MGRN1: variants seen among roughly 807,000 people sequenced by gnomAD.
MGRN1 encodes the protein E3 ubiquitin-protein ligase MGRN1.
Under a neutral mutation model 69.2 loss-of-function variants are expected in MGRN1, and 29 were observed. That is an observed-to-expected ratio of 0.42 (90% confidence interval 0.31 to 0.57). The LOEUF is 0.57. MGRN1 is among the 20% of genes least tolerant of loss of function. The pLI is 0.15. For missense variants in MGRN1, 998 were observed against 796.2 expected (o/e 1.25, Z -3.05); for synonymous variants, 470 against 344.2 (o/e 1.37, Z -4.04).
At chr16:4,688,339 C>A in intron 16 of MGRN1, 2 of 989,876 alleles carry the variant, frequency 2.0e-6, no homozygotes, top group Non-Finnish European at 2.4e-6. Context: ...CAGTAGCCAT[C>A]CGGGGGCTAC....
intron 15 of MGRN1, among the ~76,000 whole-genome samples, chr16:4,683,557 A>T (rs1181715790): frequency 5.7e-5 from 2 of 35,172 alleles, no homozygotes; most frequent in African/African-American, 8.2e-5. Context: ...TTCTATGACC[A>T]AAAAAAAAAA....
At chr16:4,688,644 G>A in intron 16 of MGRN1, 152 bp from the exon 17 acceptor site, 1 of 1,429,274 alleles carries the variant, frequency 7.0e-7, no homozygotes, top group Non-Finnish European at 9.2e-7. Context: ...CCCTTGGTGT[G>A]CTCACATCTG....
intron 10 of MGRN1, among the ~76,000 whole-genome samples, chr16:4,675,236 G>T (rs1448557162): frequency 6.6e-6 from 1 of 152,024 alleles, no homozygotes; most frequent in African/African-American, 2.4e-5. Flanking sequence ...GCCTCCCAAA[G>T]TGCTGGGATT....
In MGRN1 at chr16:4,674,199, G is replaced by A. The variant is rs191840987; in HGVS notation, c.955+542G>A. ...GGGTTTTGCCATGTTGGCCAGGCTGGTCTTGAACTCCTGGCCTCAAGTAAT... is the reference window on the plus strand; with the variant it reads ...GGGTTTTGCCATGTTGGCCAGGCTGATCTTGAACTCCTGGCCTCAAGTAAT... On this transcript the variant is annotated intron_variant, in intron 10 of 16. Coordinates refer to ENST00000262370, the MANE Select transcript of MGRN1 (RefSeq NM_015246.4). Among the ~76,000 whole-genome samples the A allele has an allele frequency of 1.0e-3, 157 of 152,310 alleles. 1 individual carries two copies. The highest frequency in any genetic ancestry group is 3.6e-3 in the African/African-American group (149 of 41,576).
chr16:4,653,128 G>A lies in MGRN1; in HGVS notation c.443+304G>A, dbSNP rs552051024. ...CTTCAGATGCCACTCATAAGCCCCC[G>A]CTGTCACCTGAACTTCTCAGCAACC... On this transcript the variant is annotated intron_variant, in intron 4 of 16. Transcript: ENST00000262370. Among the ~76,000 whole-genome samples the A allele has an allele frequency of 6.6e-5, 10 of 152,244 alleles. No individual in the cohort carries two copies. The South Asian group carries it at 1.0e-3, about 16-fold the overall frequency.
At chr16:4,659,533 C>T (rs2078628545) in intron 5 of MGRN1, among the ~76,000 whole-genome samples, 1 of 152,186 alleles carries the variant, frequency 6.6e-6, no homozygotes, top group South Asian at 2.1e-4. Flanking sequence ...AATCACGATG[C>T]CCCCAGTTGT....
chr16:4,679,191 C>CT (rs2141969035), intron 11 of MGRN1, among the ~76,000 whole-genome samples: 1 of 152,342 alleles, frequency 6.6e-6, no homozygotes, highest in African/African-American at 2.4e-5. Context: ...GGATTTGCCT[C>CT]TGAGAGGGTT....
intron 1 of MGRN1, among the ~76,000 whole-genome samples, chr16:4,632,390 T>TTTTG (rs922517679): frequency 1.3e-5 from 2 of 151,614 alleles, no homozygotes; most frequent in Admixed American, 6.6e-5. Context: ...CAGTGGTTTT[T>TTTTG]TTTGTTTGTT....
intron 8 of MGRN1, among the ~76,000 whole-genome samples, chr16:4,670,096 G>C: frequency 6.6e-6 from 1 of 151,764 alleles, no homozygotes; most frequent in African/African-American, 2.4e-5. Context: ...ACAGAGTCTC[G>C]CTCTGTTGCC....
chr16:4,658,433 G>C (rs868821525), intron 5 of MGRN1, among the ~76,000 whole-genome samples: 1 of 152,048 alleles, frequency 6.6e-6, no homozygotes, highest in Non-Finnish European at 1.5e-5. Context: ...CTACTGGGGA[G>C]GCTGAGGCAG....
chr16:4,673,218 T>C (rs1349404438), intron 9 of MGRN1, among the ~76,000 whole-genome samples: 1 of 152,182 alleles, frequency 6.6e-6, no homozygotes, highest in Non-Finnish European at 1.5e-5. Context: ...CATCTGTTCC[T>C]CATTTTTTCT....
chr16:4,647,848 G>A (rs1248689671), intron 1 of MGRN1, among the ~76,000 whole-genome samples: 5 of 152,014 alleles, frequency 3.3e-5, no homozygotes, highest in African/African-American at 7.3e-5. Context: ...GTGGGGCTGC[G>A]GCTCCCAACC....
chr16:4,685,500 G>A (rs772984443), intron 16 of MGRN1, among the ~76,000 whole-genome samples: 1 of 152,240 alleles, frequency 6.6e-6, no homozygotes, highest in Admixed American at 6.5e-5. Context: ...AGTCTACATC[G>A]GGGCAGCCTG....
chr16:4,681,500 G>A (rs375249356), intron 12 of MGRN1, 50 bp from the exon 13 acceptor site: 70 of 1,540,234 alleles, frequency 4.5e-5, no homozygotes, highest in Non-Finnish European at 5.6e-5. Context: ...AGCGTCTGGG[G>A]AGCAGGTGGT....
At chr16:4,646,147 A>G (rs2078269969) in intron 1 of MGRN1, among the ~76,000 whole-genome samples, 1 of 151,814 alleles carries the variant, frequency 6.6e-6, no homozygotes, top group African/African-American at 2.4e-5. Flanking sequence ...GTCCTCACTC[A>G]GGCTGTGTCA....
intron 8 of MGRN1, among the ~76,000 whole-genome samples, chr16:4,670,105 C>A (rs981968272): frequency 1.3e-5 from 2 of 152,048 alleles, no homozygotes; most frequent in African/African-American, 4.8e-5. Flanking sequence ...CGCTCTGTTG[C>A]CCAGGCTGGA....
intron 16 of MGRN1, among the ~76,000 whole-genome samples, chr16:4,684,887 C>T (rs2079273117): frequency 6.6e-6 from 1 of 152,244 alleles, no homozygotes; most frequent in Non-Finnish European, 1.5e-5. Flanking sequence ...TTCCTGGCCC[C>T]AGGGCCCACC....
At chr16:4,626,365 A>C (rs1281433197) in intron 1 of MGRN1, among the ~76,000 whole-genome samples, 1 of 152,182 alleles carries the variant, frequency 6.6e-6, no homozygotes, top group Non-Finnish European at 1.5e-5. Flanking sequence ...ATGGCCCTAC[A>C]TCAGATGGAG....
intron 8 of MGRN1, 21 bp from the exon 9 acceptor site, chr16:4,671,370 G>T: frequency 6.2e-7 from 1 of 1,613,332 alleles, no homozygotes; most frequent in Non-Finnish European, 8.5e-7. Context: ...AGGGCCCAGT[G>T]AGCCCCTCTC....
Sources: gnomAD v4.1 joint callset for allele counts (sites outside exome capture counted in the v4.1 genomes callset) on GRCh38, gnomAD v4.1.1 for gene constraint, MANE v1.5 for transcripts, NCBI Gene and HGNC (gene_info 2026-07-23, HGNC 2026-07-21) for gene names.